SNX29: variants seen among roughly 807,000 people sequenced by gnomAD.
SNX29 encodes the protein sorting nexin 29, also known as sorting nexin-29.
Under a neutral mutation model 102.1 loss-of-function variants are expected in SNX29, and 78 were observed. The observed-to-expected ratio is 0.76, with a 90% CI of 0.64 to 0.92. The LOEUF (loss-of-function observed/expected upper bound fraction) is 0.92, where lower values mean the gene tolerates loss of function less well. SNX29 is among the 40% of genes least tolerant of loss of function. SNX29 has a pLI of 0.00. For missense variants in SNX29, 1,280 were observed against 1,061.7 expected (o/e 1.21, Z -2.86); for synonymous variants, 580 against 414.5 (o/e 1.40, Z -4.85).
intron 4 of SNX29, among the ~76,000 whole-genome samples, chr16:12,036,330 CTTTCTTT>C (rs2057471362): frequency 1.7e-5 from 2 of 117,686 alleles, no homozygotes; most frequent in African/African-American, 6.5e-5. Flanking sequence ...GTTTTTCTTT[CTTTCTTT>C]TTTTTTTTTT....
intron 5 of SNX29, among the ~76,000 whole-genome samples, chr16:12,044,620 C>T (rs2050015819): frequency 6.6e-6 from 1 of 152,146 alleles, no homozygotes; most frequent in Admixed American, 6.5e-5. Flanking sequence ...GCTTTTTTGC[C>T]TAGGCTGGAG....
At chr16:12,567,099 C>G (rs969414405) in intron 20 of SNX29, among the ~76,000 whole-genome samples, 1 of 152,114 alleles carries the variant, frequency 6.6e-6, no homozygotes, top group Admixed American at 6.5e-5. Flanking sequence ...GGAATGATTT[C>G]TTTATGAATG....
intron 15 of SNX29, among the ~76,000 whole-genome samples, chr16:12,290,575 G>T (rs2079759801): frequency 6.6e-6 from 1 of 152,156 alleles, no homozygotes; most frequent in South Asian, 2.1e-4. Context: ...ATGCTTGTAT[G>T]ATTTAATAAT....
intron 3 of SNX29, among the ~76,000 whole-genome samples, chr16:12,006,232 A>ATAATAATAG (rs1250913998): frequency 1.3e-5 from 2 of 150,946 alleles, no homozygotes; most frequent in Non-Finnish European, 3.0e-5. Context: ...AATAATAATA[A>ATAATAATAG]TAGCCAGGCA....
In SNX29 at chr16:12,370,249, C is replaced by T. The variant is rs147262827; in HGVS notation, c.1899+13970C>T. On this transcript the variant is annotated intron_variant, in intron 16 of 20. Transcript: ENST00000566228. ...AAACAAAACAAAACAAAAACAAAAA[C>T]AAAAAACAATCAACAACAAAAATAA... 2.9e-3 allele frequency among the ~76,000 whole-genome samples: 434 copies of T among 151,756 alleles called. 2 individuals are homozygous for T. Among genetic ancestry groups the T allele is most frequent in the African/African-American group, 0.01 (424 of 41,398 alleles).
At chr16:12,403,765 G>C (rs2084055458) in intron 18 of SNX29, among the ~76,000 whole-genome samples, 1 of 152,164 alleles carries the variant, frequency 6.6e-6, no homozygotes, top group Non-Finnish European at 1.5e-5. Context: ...TGGCTGCTGT[G>C]GAATCTCAGC....
chr16:12,131,753 G>A (rs1249972332), intron 13 of SNX29, among the ~76,000 whole-genome samples: 1 of 152,188 alleles, frequency 6.6e-6, no homozygotes, highest in African/African-American at 2.4e-5. Context: ...TATAGCAGCA[G>A]CATTTACCTC....
chr16:12,462,545 G>T (rs2086852649), intron 18 of SNX29, among the ~76,000 whole-genome samples: 1 of 152,060 alleles, frequency 6.6e-6, no homozygotes, highest in African/African-American at 2.4e-5. Context: ...AGCAGCCACT[G>T]TTAATGTTTT....
At chr16:12,370,551 C>T (rs559119729) in intron 16 of SNX29, among the ~76,000 whole-genome samples, 2 of 152,296 alleles carry the variant, frequency 1.3e-5, no homozygotes, top group South Asian at 2.1e-4. Flanking sequence ...CAGAGCGAAA[C>T]TCCGTCTCAA....
rs78845859 is a variant in SNX29 at position 12,560,768 on chromosome 16, C to T, written c.2319-7738C>T. On this transcript the variant is annotated intron_variant, in intron 20 of 20. Coordinates refer to ENST00000566228, the MANE Select transcript of SNX29 (RefSeq NM_032167.5). Reference sequence around the variant, plus strand: ...GCTCCTGATTAGCCATAGGATTTACCCTCTGTGCTTTATTTTCCATGCCCT... The same window carrying T: ...GCTCCTGATTAGCCATAGGATTTACTCTCTGTGCTTTATTTTCCATGCCCT... 1,115 of 174,480 alleles carry T rather than the reference C, an allele frequency of 6.4e-3. 19 individuals are homozygous for T. Among genetic ancestry groups the T allele is most frequent in the African/African-American group, 0.025 (1,048 of 42,230 alleles). 10.8% of individuals were successfully genotyped at this position (174,480 alleles called of 1,614,324 possible).
intron 15 of SNX29, among the ~76,000 whole-genome samples, chr16:12,349,583 C>T (rs2081937463): frequency 1.3e-5 from 2 of 152,166 alleles, no homozygotes; most frequent in South Asian, 2.1e-4. Flanking sequence ...TTGGGATGCT[C>T]ATCCTGTAAG....
intron 14 of SNX29, among the ~76,000 whole-genome samples, chr16:12,217,225 T>A (rs983386125): frequency 5.9e-5 from 9 of 152,158 alleles, no homozygotes; most frequent in African/African-American, 1.9e-4. Context: ...TCACGATGTT[T>A]CCCAGGCTGG....
At chr16:12,412,690 T>C (rs2084452201) in intron 18 of SNX29, among the ~76,000 whole-genome samples, 1 of 152,244 alleles carries the variant, frequency 6.6e-6, no homozygotes, top group Non-Finnish European at 1.5e-5. Context: ...TGTGTGTGTT[T>C]TGAAAGGTAC....
chr16:12,400,412 G>T (rs2083894060), intron 17 of SNX29, among the ~76,000 whole-genome samples: 1 of 152,228 alleles, frequency 6.6e-6, no homozygotes. Context: ...ACAACCTTCA[G>T]AGATGGGTGT....
chr16:12,163,916 G>C (rs575931174), intron 13 of SNX29, among the ~76,000 whole-genome samples: 3 of 152,286 alleles, frequency 2.0e-5, no homozygotes, highest in Admixed American at 6.5e-5. Context: ...CAGGAGTGGG[G>C]TGGGGAGAAC....
chr16:12,420,020 A>G (rs2084808836), intron 18 of SNX29, among the ~76,000 whole-genome samples: 1 of 152,196 alleles, frequency 6.6e-6, no homozygotes, highest in South Asian at 2.1e-4. Context: ...GCATCTCCAC[A>G]CCAGGGTTTT....
At chr16:12,390,353 T>G (rs1468982081) in intron 16 of SNX29, among the ~76,000 whole-genome samples, 3 of 152,094 alleles carry the variant, frequency 2.0e-5, no homozygotes, top group Non-Finnish European at 4.4e-5. Context: ...CTCATCTCCC[T>G]TATGCTTCAG....
At chr16:12,351,745 A>G (rs1432598522) in intron 15 of SNX29, among the ~76,000 whole-genome samples, 1 of 151,958 alleles carries the variant, frequency 6.6e-6, no homozygotes, top group East Asian at 1.9e-4. Context: ...CTCTGAAGGC[A>G]TCATTTTCCA....
intron 18 of SNX29, among the ~76,000 whole-genome samples, chr16:12,466,745 C>T (rs992062358): frequency 6.6e-6 from 1 of 152,080 alleles, no homozygotes; most frequent in African/African-American, 2.4e-5. Context: ...GTGTTGGCAG[C>T]AGTTGGGACT....
Sources: allele counts gnomAD v4.1 joint callset (sites outside exome capture counted in the v4.1 genomes callset), GRCh38; gene constraint gnomAD v4.1.1; transcripts MANE v1.5; gene names NCBI Gene and HGNC (gene_info 2026-07-23, HGNC 2026-07-21).